The following SEMA3A variants were observed in gnomAD, a reference collection of about 807,000 sequenced individuals.
The protein encoded by SEMA3A is semaphorin 3A.
A neutral mutation model predicts 97.9 loss-of-function variants in SEMA3A; 29 were observed. That is an observed-to-expected ratio of 0.30 (90% CI 0.22 to 0.40). The LOEUF (loss-of-function observed/expected upper bound fraction) is 0.40. SEMA3A is among the 10% of genes least tolerant of loss of function. SEMA3A has a pLI of 1.00. For missense variants in SEMA3A, 763 were observed against 951.3 expected, an observed-to-expected ratio of 0.80 and a Z score of 2.60; for synonymous variants, 321 against 323.7, an observed-to-expected ratio of 0.99 and a Z score of 0.09.
intron 3 of SEMA3A, among the ~76,000 whole-genome samples, chr7:84,217,102 T>G (rs1386030053): frequency 6.6e-6 from 1 of 152,190 alleles, no homozygotes; most frequent in Non-Finnish European, 1.5e-5. Flanking sequence ...TGCAAAAAGA[T>G]TGGCACAGCT....
chr7:84,384,348 T>C (rs1020395413), intron 1 of SEMA3A, among the ~76,000 whole-genome samples: 3 of 152,098 alleles, frequency 2.0e-5, no homozygotes, highest in Admixed American at 2.0e-4. Flanking sequence ...TTTCTAAAAA[T>C]TATCATATGT....
At chr7:84,344,132 A>T (rs1802238693) in intron 2 of SEMA3A, among the ~76,000 whole-genome samples, 1 of 152,188 alleles carries the variant, frequency 6.6e-6, no homozygotes, top group African/African-American at 2.4e-5. Flanking sequence ...GAATATGGTT[A>T]TTCCTGGCAC....
rs189952594 is a variant in SEMA3A, at chr7:84,423,180, T to C, written c.-245-51280A>G. 6.9e-4 allele frequency among the ~76,000 whole-genome samples: 105 copies of C among 152,150 alleles called. 1 individual carries two copies. The highest frequency in any genetic ancestry group is 2.3e-3 in the African/African-American group (97 of 41,542). On this transcript the variant is annotated intron_variant, in intron 1 of 3. Coordinates refer to the SEMA3A transcript ENST00000424555. ...CATTTTCTATCAAATAAGTACAATG[T>C]AAAAGAAGACATGTTTGTAGTTCTC...
chr7:84,240,384 C>T (rs906154926), intron 3 of SEMA3A, among the ~76,000 whole-genome samples: 1 of 151,700 alleles, frequency 6.6e-6, no homozygotes, highest in Admixed American at 6.6e-5. Context: ...CTGTTTGGTC[C>T]CTAAATGTCA....
At chr7:83,976,614 A>G (rs1789158124) in intron 15 of SEMA3A, among the ~76,000 whole-genome samples, 1 of 152,080 alleles carries the variant, frequency 6.6e-6, no homozygotes, top group Non-Finnish European at 1.5e-5. Flanking sequence ...TGAATTTGGT[A>G]CAAAATGCCC....
At chr7:84,047,664 CT>C (rs1459248151) in intron 5 of SEMA3A, among the ~76,000 whole-genome samples, 1 of 151,990 alleles carries the variant, frequency 6.6e-6, no homozygotes, top group African/African-American at 2.4e-5. Context: ...ATACATTTTC[CT>C]TCAAATAATC....
intron 1 of SEMA3A, among the ~76,000 whole-genome samples, chr7:84,424,982 T>C (rs1457974116): frequency 1.9e-5 from 2 of 103,692 alleles, no homozygotes; most frequent in Non-Finnish European, 3.4e-5. Context: ...ATTTATAATT[T>C]ATAATTATAT....
intron 3 of SEMA3A, among the ~76,000 whole-genome samples, chr7:84,228,614 A>AAAAAAC (rs1799046544): frequency 6.6e-6 from 1 of 152,134 alleles, no homozygotes; most frequent in Admixed American, 6.6e-5. Flanking sequence ...TAGAAAAGAA[A>AAAAAAC]AAAAACATCA....
chr7:84,483,728 G>C (rs947755815), intron 1 of SEMA3A, among the ~76,000 whole-genome samples: 2 of 150,538 alleles, frequency 1.3e-5, no homozygotes, highest in African/African-American at 4.9e-5. Context: ...GTGGGGAATA[G>C]ACAACCCATA....
intron 12 of SEMA3A, among the ~76,000 whole-genome samples, chr7:83,997,743 T>TC (rs1182139017): frequency 1.3e-5 from 2 of 151,504 alleles, no homozygotes; most frequent in African/African-American, 4.9e-5. Flanking sequence ...ATGAAATTTT[T>TC]CTTTTTTTTT....
chr7:84,444,467 T>G (rs1441298214), intron 1 of SEMA3A, among the ~76,000 whole-genome samples: 1 of 152,124 alleles, frequency 6.6e-6, no homozygotes, highest in Non-Finnish European at 1.5e-5. Flanking sequence ...ACAAATTAAT[T>G]TTTTTCTTTA....
chr7:84,146,663 G>A (rs570972668), intron 1 of SEMA3A, among the ~76,000 whole-genome samples: 61 of 152,222 alleles, frequency 4.0e-4, no homozygotes, highest in Middle Eastern at 3.4e-3. Flanking sequence ...TAATTCAAAC[G>A]TGCATTGCTA....
At chr7:84,079,462 A>G (rs2691697) in intron 4 of SEMA3A, among the ~76,000 whole-genome samples, 22,925 of 149,282 alleles carry the variant, frequency 0.15, 2,058 homozygotes, top group South Asian at 0.24. Context: ...ATCTGACAAA[A>G]GGCTAATATC....
intron 12 of SEMA3A, among the ~76,000 whole-genome samples, chr7:83,995,027 T>G (rs1790150530): frequency 6.6e-6 from 1 of 151,972 alleles, no homozygotes; most frequent in East Asian, 1.9e-4. Context: ...GGTGCGCCGT[T>G]TTTTAAGCCC....
At chr7:84,291,965 T>A (rs1800758859) in intron 3 of SEMA3A, among the ~76,000 whole-genome samples, 1 of 152,160 alleles carries the variant, frequency 6.6e-6, no homozygotes, top group African/African-American at 2.4e-5. Context: ...TAGGTAGGCA[T>A]TGATCTCTGC....
At chr7:83,966,450 T>C (rs1185032898) in intron 15 of SEMA3A, among the ~76,000 whole-genome samples, 1 of 152,190 alleles carries the variant, frequency 6.6e-6, no homozygotes, top group African/African-American at 2.4e-5. Context: ...GTGCCCTTAG[T>C]AAGTTTGCTT....
rs374768815 is a variant in SEMA3A at position 84,400,238 on chromosome 7, G to A, written c.-245-28338C>T. The stretch of plus-strand genomic sequence containing the variant: ...CTTCAATGCCCAGACATCAATGAAT[G>A]TCCACAAGCATCAAGGACGTCCAGG... On this transcript the variant is annotated intron_variant, in intron 1 of 3. Coordinates refer to the SEMA3A transcript ENST00000424555. Among the ~76,000 whole-genome samples the A allele has an allele frequency of 6.6e-5, 10 of 152,214 alleles. 2 individuals carry two copies. Among genetic ancestry groups the A allele is most frequent in the Admixed American group, 6.5e-5 (1 of 15,284 alleles).
chr7:84,089,427 T>C (rs948324913), intron 4 of SEMA3A, among the ~76,000 whole-genome samples: 1 of 152,082 alleles, frequency 6.6e-6, no homozygotes, highest in African/African-American at 2.4e-5. Context: ...TATGAATAAA[T>C]ACCATATGGT....
chr7:83,971,867 G>A (rs1036716815), intron 15 of SEMA3A, among the ~76,000 whole-genome samples: 1 of 152,014 alleles, frequency 6.6e-6, no homozygotes, highest in Non-Finnish European at 1.5e-5. Flanking sequence ...AGATGTCTTT[G>A]GTGCTGGGAA....
Sources: gnomAD v4.1 joint callset for allele counts (sites outside exome capture counted in the v4.1 genomes callset) on GRCh38, gnomAD v4.1.1 for gene constraint, MANE v1.5 for transcripts, NCBI Gene and HGNC (gene_info 2026-07-23, HGNC 2026-07-21) for gene names.